POMC: variants seen among roughly 807,000 people sequenced by gnomAD.
The protein encoded by POMC is proopiomelanocortin, also known as pro-opiomelanocortin.
POMC carries 19 observed loss-of-function variants against 18.5 expected under a neutral mutation model. The ratio of observed to expected loss-of-function variants is 1.03; its 90% CI spans 0.72 to 1.51. POMC has a LOEUF of 1.51. Ranked by LOEUF, POMC falls within the 40% of genes most tolerant of loss-of-function variation. The pLI is 0.00. For synonymous variants in POMC, 179 were observed against 161.9 expected (o/e 1.11, Z -0.80); for missense variants, 451 against 379.0 (o/e 1.19, Z -1.58).
intron 2 of POMC, among the ~76,000 whole-genome samples, chr2:25,163,092 C>T (rs937391011): frequency 1.3e-4 from 20 of 152,216 alleles, no homozygotes; most frequent in Admixed American, 2.0e-4. Flanking sequence ...TCACTGGCTG[C>T]TCTCTTTCTT....
intron 2 of POMC, among the ~76,000 whole-genome samples, chr2:25,162,977 C>T (rs1011453568): frequency 6.6e-6 from 1 of 152,198 alleles, no homozygotes; most frequent in African/African-American, 2.4e-5. Flanking sequence ...GAACCTGTGT[C>T]TCTGCTCCTT....
chr2:25,160,910 A>G lies in POMC; in HGVS notation c.*171T>C, dbSNP rs925907554. The G allele has an allele frequency of 1.9e-6, 2 of 1,060,128 alleles. No individual in the cohort carries two copies. Among genetic ancestry groups the G allele is most frequent in the African/African-American group, 3.2e-5 (2 of 62,514 alleles). 65.7% of individuals were successfully genotyped at this position (1,060,128 alleles called of 1,614,324 possible). A position where few individuals can be genotyped will look rare whatever the true frequency, so the allele number is the denominator to read the frequency against. ...ATTCACACAGTTTACATTCAAAGTCAGAGGTGGATGTGAAATTTGAAAGGT... is the reference window on the plus strand; with the variant it reads ...ATTCACACAGTTTACATTCAAAGTCGGAGGTGGATGTGAAATTTGAAAGGT... On this transcript the variant is annotated 3_prime_UTR_variant, in exon 3 of 3. Coordinates refer to ENST00000395826, the MANE Select transcript of POMC (RefSeq NM_000939.4).
At chr2:25,166,462 G>A (rs1671558495) in intron 1 of POMC, among the ~76,000 whole-genome samples, 1 of 152,232 alleles carries the variant, frequency 6.6e-6, no homozygotes. Context: ...AGATGTTACA[G>A]TCACAGAAAA....
In POMC at chr2:25,161,275, C is replaced by A; in HGVS notation, c.610G>T (p.Asp204Tyr). The change falls in exon 3 of 3, where the codon GAC becomes TAC. Residue 204 changes from aspartate to tyrosine, a missense_variant. Coordinates refer to ENST00000395826, the MANE Select transcript of POMC (RefSeq NM_000939.4). The surrounding 1 kb of genome is among the most constrained non-coding windows in gnomAD (Gnocchi z 5.7). ...PADDGAGAQA[D>Y]LEHSLLVAAE... is the part of the protein sequence containing the mutation. ...GCCACCAGCAGGCTGTGCTCCAGGT[C>A]GGCCTGGGCCCCTGCGCCGTCATCG... is the stretch of plus-strand genomic sequence containing the variant. 1 of 1,611,284 alleles carries A rather than the reference C, an allele frequency of 6.2e-7. No individual in the cohort carries two copies.
In POMC at chr2:25,161,271, A is replaced by T. The variant is rs1376029080; in HGVS notation, c.614T>A (p.Leu205Gln). 2 of 1,611,336 alleles carry T rather than the reference A, an allele frequency of 1.2e-6. No homozygotes were observed. Among genetic ancestry groups the T allele is most frequent in the Admixed American group, 1.7e-5 (1 of 59,794 alleles). The change falls in exon 3 of 3, where the codon CTG (leucine) becomes CAG (glutamine). Residue 205 changes from leucine (L) to glutamine (Q), a missense_variant. By Grantham distance (113) the Leu-to-Gln change is moderately radical. Coordinates refer to ENST00000395826, the MANE Select transcript of POMC (RefSeq NM_000939.4). The surrounding 1 kb of genome is among the most constrained non-coding windows in gnomAD (Gnocchi z 5.7). ...GGCCGCCACCAGCAGGCTGTGCTCC[A>T]GGTCGGCCTGGGCCCCTGCGCCGTC... ...ADDGAGAQAD[L>Q]EHSLLVAAEK...
In POMC at chr2:25,161,207, G is replaced by T. The variant is rs1423739145; in HGVS notation, c.678C>A (p.Phe226Leu). The stretch of plus-strand genomic sequence containing the variant: ...TGTCCTTGGGCGGGCTGCCCCAGCG[G>T]AAGTGCTCCATCCTGTAGGGGCCCT... ...KDEGPYRMEH[F>L]RWGSPPKDKR... Residue 226 changes from phenylalanine to leucine, a missense_variant, in exon 3 of 3, where the codon TTC becomes TTA. By Grantham distance (22) the Phe-to-Leu change is conservative. Coordinates refer to ENST00000395826, the MANE Select transcript of POMC (RefSeq NM_000939.4). This position sits in a 1 kb window ranked among gnomAD's most constrained non-coding sequence, Gnocchi z 5.7. 7 of 1,613,588 alleles carry T rather than the reference G, an allele frequency of 4.3e-6. No individual in the cohort carries two copies. In the South Asian group the frequency reaches 7.7e-5, roughly 18 times the overall value.
chr2:25,166,178 A>G (rs1305682777), intron 1 of POMC, among the ~76,000 whole-genome samples: 1 of 152,164 alleles, frequency 6.6e-6, no homozygotes, highest in Non-Finnish European at 1.5e-5. Context: ...GCACGGTGCT[A>G]GCTTCTGAAG....
Position 25,161,348 on chromosome 2 carries a change from C to G in POMC, c.537G>C (p.Glu179Asp). 6.2e-7 allele frequency: 1 copy of G among 1,606,108 alleles called. No individual in the cohort carries two copies. Among genetic ancestry groups the G allele is most frequent in the Non-Finnish European group, 8.5e-7 (1 of 1,176,634 alleles). ...AEAFPLEFKR[E>D]LTGQRLREGD... ...CCTCCCGGAGTCGCTGGCCAGTCAG[C>G]TCCCTCTTGAACTCCAGGGGGAAGG... is the stretch of plus-strand genomic sequence containing the variant. The change falls in exon 3 of 3, where the codon GAG becomes GAC. Residue 179 changes from glutamate (E) to aspartate (D), a missense_variant. Physicochemically the swap from Glu to Asp is conservative, Grantham distance 45 (BLOSUM62 2). Transcript: ENST00000395826. The surrounding 1 kb of genome is among the most constrained non-coding windows in gnomAD (Gnocchi z 5.7).
Position 25,161,645 on chromosome 2 carries a change from G to A in POMC, c.240C>T (p.Gly80=), listed in dbSNP as rs1288298775. ...LTENPRKYVM[G]HFRWDRFGRR... is the part of the protein sequence containing the mutation. ...GGCCGAATCGGTCCCAGCGGAAGTGGCCCATGACGTACTTCCGGGGGTTCT... is the reference window on the plus strand; with the variant it reads ...GGCCGAATCGGTCCCAGCGGAAGTGACCCATGACGTACTTCCGGGGGTTCT... Residue 80 remains glycine, a synonymous_variant, in exon 3 of 3, where the codon GGC becomes GGT. Transcript: ENST00000395826. This position sits in a 1 kb window ranked among gnomAD's most constrained non-coding sequence, Gnocchi z 5.7. The A allele has an allele frequency of 6.4e-7, 1 of 1,555,118 alleles. No homozygotes were observed. Among genetic ancestry groups the A allele is most frequent in the South Asian group, 1.2e-5 (1 of 84,510 alleles).
In POMC at chr2:25,164,682, T is replaced by C; in HGVS notation, c.91A>G (p.Ser31Gly). 9 of 1,614,136 alleles carry C rather than the reference T, an allele frequency of 5.6e-6. No homozygotes were observed. The highest frequency in any genetic ancestry group is 7.6e-6 in the Non-Finnish European group (9 of 1,180,024). ...SMEVRGWCLE[S>G]SQCQDLTTES... ...GTGGTGAGGTCCTGACACTGGCTGC[T>C]CTCCAGGCACCAGCCACGCACTTCC... Residue 31 changes from serine to glycine, a missense_variant, in exon 2 of 3, where the codon AGC becomes GGC. Ser to Gly is a moderately conservative substitution (Grantham distance 56, BLOSUM62 0). Coordinates refer to ENST00000395826, the MANE Select transcript of POMC (RefSeq NM_000939.4).
chr2:25,164,537 C>T (rs1671488910), intron 2 of POMC, 104 bp downstream of exon 2: 3 of 1,561,354 alleles, frequency 1.9e-6, no homozygotes, highest in Non-Finnish European at 2.6e-6. Flanking sequence ...TCACGCCTAT[C>T]ACTGGGAATG....
At chr2:25,162,267 T>C (rs1182653109) in intron 2 of POMC, among the ~76,000 whole-genome samples, 1 of 152,050 alleles carries the variant, frequency 6.6e-6, no homozygotes, top group Non-Finnish European at 1.5e-5. Context: ...TGGCCAACTA[T>C]GGTGAAATAC....
Position 25,164,762 on chromosome 2 carries a change from G to A in POMC, c.11C>T (p.Ser4Leu), listed in dbSNP as rs766183863. The change falls in exon 2 of 3, where the codon TCG (serine) becomes TTG (leucine). Residue 4 changes from serine to leucine, a missense_variant. Coordinates refer to ENST00000395826, the MANE Select transcript of POMC (RefSeq NM_000939.4). ...CAGGGCCCCCGAGCGGCTGCAGCAC[G>A]ATCTCGGCATCTTCCAGGCAGGCTG... MPR[S>L]CCSRSGALLL... 1.1e-5 allele frequency: 18 copies of A among 1,613,786 alleles called. No individual in the cohort carries two copies. The East Asian group carries it at 1.8e-4, about 16-fold the overall frequency.
chr2:25,163,084 A>C (rs2149220972), intron 2 of POMC, among the ~76,000 whole-genome samples: 1 of 152,388 alleles, frequency 6.6e-6, no homozygotes, highest in Non-Finnish European at 1.5e-5. Context: ...TGAAAAGCTC[A>C]CTGGCTGCTC....
Position 25,160,914 on chromosome 2 carries a change from G to A in POMC, c.*167C>T. ...ACACAGTTTACATTCAAAGTCAGAG[G>A]TGGATGTGAAATTTGAAAGGTTTTA... On this transcript the variant is annotated 3_prime_UTR_variant, in exon 3 of 3. Transcript: ENST00000395826. 1.8e-6 allele frequency: 2 copies of A among 1,090,882 alleles called. No homozygotes were observed. Among genetic ancestry groups the A allele is most frequent in the Non-Finnish European group, 2.6e-6 (2 of 781,782 alleles). The allele number at this position is 1,090,882 out of a possible 1,614,324, so 67.6% of individuals were successfully genotyped here. A position where few individuals can be genotyped will look rare whatever the true frequency, so the allele number is the denominator to read the frequency against.
rs200057379 is a variant in POMC at position 25,164,636 on chromosome 2, C to A, written c.132+5G>T. 10 of 1,613,918 alleles carry A rather than the reference C, an allele frequency of 6.2e-6. No homozygotes were observed. The highest frequency in any genetic ancestry group is 1.6e-4 in the Middle Eastern group (1 of 6,080). On this transcript the variant is annotated splice_donor_5th_base_variant and intron_variant, in intron 2 of 2. Transcript: ENST00000395826. ...AAGCCAAGATGGCAGTCATGGCCCA[C>A]GTACCAGCAGGTTGCTTTCCGTGGT...
chr2:25,160,988 C>A lies in POMC; in HGVS notation c.*93G>T. The A allele has an allele frequency of 1.3e-6, 2 of 1,575,008 alleles. No homozygotes were observed. Among genetic ancestry groups the A allele is most frequent in the Non-Finnish European group, 8.6e-7 (1 of 1,162,638 alleles). On this transcript the variant is annotated 3_prime_UTR_variant, in exon 3 of 3. Transcript: ENST00000395826. ...AGAGGCTGATTATCTGCCACGACCC[C>A]CCAGGCTGGGAGGCGGCAGCAGGGC...
rs955285602 is a variant in POMC, at chr2:25,168,014, C to T, written c.-21+484G>A. On this transcript the variant is annotated intron_variant, in intron 1 of 2. Coordinates refer to ENST00000395826, the MANE Select transcript of POMC (RefSeq NM_000939.4). The surrounding 1 kb of genome is among the most constrained non-coding windows in gnomAD (Gnocchi z 5.2). The stretch of plus-strand genomic sequence containing the variant: ...ACTAAAAATACAAAAATTAGCCGGG[C>T]GTGGTGGCGCATGCCTGTAATCCCA... 1.3e-5 allele frequency among the ~76,000 whole-genome samples: 2 copies of T among 152,218 alleles called. No homozygotes were observed. Among genetic ancestry groups the T allele is most frequent in the Middle Eastern group, 3.4e-3 (1 of 294 alleles).
At chr2:25,164,512 C>A in intron 2 of POMC, 129 bp downstream of exon 2, 1 of 1,472,436 alleles carries the variant, frequency 6.8e-7, no homozygotes, top group African/African-American at 1.4e-5. Context: ...AGTTTTGCTC[C>A]TGCCCTGGAT....
Sources: gnomAD v4.1 joint callset for allele counts (sites outside exome capture counted in the v4.1 genomes callset) on GRCh38, gnomAD v4.1.1 for gene constraint, Gnocchi (gnomAD v3.1) non-coding constraint, MANE v1.5 for transcripts, NCBI Gene and HGNC (gene_info 2026-07-23, HGNC 2026-07-21) for gene names.